Variants in LRP2 observed in about 807,000 individuals in gnomAD.
LRP2 encodes LDL receptor related protein 2.
LRP2 carries 172 observed loss-of-function variants against 531.0 expected under a neutral mutation model. The observed-to-expected ratio is 0.32, with a 90% CI of 0.29 to 0.37. The LOEUF (loss-of-function observed/expected upper bound fraction) is 0.37, where lower values mean the gene tolerates loss of function less well. Among genes scored for constraint, LRP2 ranks in the 10% least tolerant of loss-of-function variants. The pLI, the probability that LRP2 is intolerant of heterozygous loss-of-function variation, is 1.00. For missense variants in LRP2, 5,167 were observed against 5,868.3 expected, an observed-to-expected ratio of 0.88 and a Z score of 3.90; for synonymous variants, 1,992 against 2,027.6, an observed-to-expected ratio of 0.98 and a Z score of 0.47.
Position 169,237,296 on chromosome 2 carries a change from A to G in LRP2, c.4507-9T>C, listed in dbSNP as rs1163589159. 3.8e-6 allele frequency: 6 copies of G among 1,595,360 alleles called. No homozygotes were observed. The South Asian group carries it at 6.6e-5, about 18-fold the overall frequency. On this transcript the variant is annotated splice_polypyrimidine_tract_variant and intron_variant, in intron 27 of 78. Transcript: ENST00000649046. ...ATGCTACTGTCAAATACCTAAAGAC[A>G]AAAGTGAATAAAGAGTGAATTCTAG...
intron 77 of LRP2, among the ~76,000 whole-genome samples, chr2:169,130,272 A>T (rs1685236024): frequency 6.6e-6 from 1 of 152,050 alleles, no homozygotes; most frequent in African/African-American, 2.4e-5. Context: ...ACTTTTGGAA[A>T]ATGATAGAAC....
At chr2:169,237,028 G>T in intron 28 of LRP2, 75 bp downstream of exon 28, 1 of 1,264,322 alleles carries the variant, frequency 7.9e-7, no homozygotes, top group Non-Finnish European at 1.2e-6. Context: ...ATGCATATCA[G>T]CTACATCATG....
intron 66 of LRP2, 105 bp downstream of exon 66, chr2:169,154,355 T>G: frequency 9.3e-7 from 1 of 1,076,180 alleles, no homozygotes. Flanking sequence ...CCTCCACTAA[T>G]GCAACAAAAT....
intron 48 of LRP2, among the ~76,000 whole-genome samples, chr2:169,190,519 T>C (rs1480373970): frequency 6.6e-6 from 1 of 152,218 alleles, no homozygotes; most frequent in Non-Finnish European, 1.5e-5. Context: ...CAACGGTACA[T>C]TAGCGCCTGT....
chr2:169,209,301 C>T (rs922253272), intron 38 of LRP2, 152 bp downstream of exon 38: 10 of 703,614 alleles, frequency 1.4e-5, no homozygotes, highest in Non-Finnish European at 2.6e-5. Flanking sequence ...CAAATAGACA[C>T]GTAGCTTAAT....
chr2:169,243,593 T>C (rs1689893445), intron 22 of LRP2, 71 bp from the exon 23 acceptor site: 1 of 1,585,118 alleles, frequency 6.3e-7, no homozygotes, highest in Non-Finnish European at 8.7e-7. Flanking sequence ...AAACTAAAAA[T>C]GGCTAAATAG....
chr2:169,201,340 A>G (rs1403247055), intron 44 of LRP2, among the ~76,000 whole-genome samples: 2 of 152,218 alleles, frequency 1.3e-5, no homozygotes, highest in African/African-American at 4.8e-5. Context: ...TTTAGTAAGC[A>G]CTTTTGATTT....
At chr2:169,339,300 C>A (rs1003801045) in intron 1 of LRP2, among the ~76,000 whole-genome samples, 74 of 152,202 alleles carry the variant, frequency 4.9e-4, no homozygotes, top group African/African-American at 1.6e-3. Context: ...ATTATTACTT[C>A]TCTTCCCAAC....
intron 7 of LRP2, 53 bp from the exon 8 acceptor site, chr2:169,291,050 CTT>C: frequency 6.5e-7 from 1 of 1,545,250 alleles, no homozygotes; most frequent in Non-Finnish European, 8.9e-7. Flanking sequence ...ACAGCCAGCT[CTT>C]TGTTAATCAG....
Position 169,281,719 on chromosome 2 carries a change from A to AAAAT in LRP2, c.1171+1150_1171+1153dup, listed in dbSNP as rs1683709610. The stretch of plus-strand genomic sequence containing the variant: ...GGCAACAGAGCGAGACTCATTCTCA[A>AAAAT]AAATAAATAAATAAAAATAAATAAA... On this transcript the variant is annotated intron_variant, in intron 10 of 78. Transcript: ENST00000649046. Among the ~76,000 whole-genome samples the AAAAT allele has an allele frequency of 2.6e-5, 4 of 151,898 alleles. No individual in the cohort carries two copies. The South Asian group carries it at 8.3e-4, about 31-fold the overall frequency.
chr2:169,320,380 C>T (rs183411743), intron 2 of LRP2, among the ~76,000 whole-genome samples: 2 of 152,190 alleles, frequency 1.3e-5, no homozygotes, highest in East Asian at 1.9e-4. Context: ...ATGGACTCCT[C>T]TTTGACTTAC....
At chr2:169,209,223 A>C (rs1204544901) in intron 38 of LRP2, among the ~76,000 whole-genome samples, 1 of 152,230 alleles carries the variant, frequency 6.6e-6, no homozygotes, top group African/African-American at 2.4e-5. Context: ...AGATTATGTT[A>C]ATAACAGAAG....
At chr2:169,176,343 G>A in intron 54 of LRP2, 68 bp downstream of exon 54, 1 of 1,591,300 alleles carries the variant, frequency 6.3e-7, no homozygotes, top group Non-Finnish European at 8.6e-7. Flanking sequence ...CCATCCCTTG[G>A]AGCCTTGAAG....
intron 1 of LRP2, among the ~76,000 whole-genome samples, chr2:169,338,136 G>T (rs570346512): frequency 6.6e-6 from 1 of 150,770 alleles, no homozygotes; most frequent in Admixed American, 6.6e-5. Context: ...GAAATGGGGG[G>T]AAGTAGGGAA....
chr2:169,174,072 C>T lies in LRP2; in HGVS notation c.10861G>A (p.Asp3621Asn), dbSNP rs1687100046. ...TGGGAACTGTCTTCATCTGAGTTAT[C>T]CTCACAGTCGTTAAATGTGTCACAC... ...WQCDTFNDCE[D>N]NSDEDSSHCA... Residue 3621 changes from aspartate to asparagine, a missense_variant, in exon 56 of 79, where the codon GAT becomes AAT. Coordinates refer to ENST00000649046, the MANE Select transcript of LRP2 (RefSeq NM_004525.3). 6.2e-7 allele frequency: 1 copy of T among 1,614,092 alleles called. No individual in the cohort carries two copies. The highest frequency in any genetic ancestry group is 1.7e-5 in the Admixed American group (1 of 60,010).
At chr2:169,134,871 G>T (rs913398108) in intron 76 of LRP2, among the ~76,000 whole-genome samples, 1 of 152,276 alleles carries the variant, frequency 6.6e-6, no homozygotes, top group African/African-American at 2.4e-5. Flanking sequence ...CCATCAAAAA[G>T]GCATCAGATC....
At chr2:169,292,980 T>C (rs1373142650) in intron 6 of LRP2, among the ~76,000 whole-genome samples, 1 of 152,164 alleles carries the variant, frequency 6.6e-6, no homozygotes, top group East Asian at 1.9e-4. Context: ...TGCTAATCTA[T>C]GACCAAATGA....
intron 35 of LRP2, among the ~76,000 whole-genome samples, chr2:169,215,589 A>G (rs1688752779): frequency 6.6e-6 from 1 of 151,574 alleles, no homozygotes; most frequent in Admixed American, 6.6e-5. Flanking sequence ...TACGTAAATA[A>G]ATAGATACAT....
At chr2:169,132,897 C>T (rs767878362) in intron 76 of LRP2, among the ~76,000 whole-genome samples, 4 of 152,158 alleles carry the variant, frequency 2.6e-5, no homozygotes, top group Non-Finnish European at 5.9e-5. Flanking sequence ...TCACCTCATA[C>T]CTTAATCCTG....
Sources: gnomAD v4.1 joint callset for allele counts (sites outside exome capture counted in the v4.1 genomes callset) on GRCh38, gnomAD v4.1.1 for gene constraint, MANE v1.5 for transcripts, NCBI Gene and HGNC (gene_info 2026-07-23, HGNC 2026-07-21) for gene names.